Variants in EXOC4 observed in about 807,000 individuals in gnomAD.
The protein encoded by EXOC4 is exocyst complex component 4.
In EXOC4, 71 loss-of-function variants were observed where a neutral mutation model predicts 107.2. The observed-to-expected ratio is 0.66, with a 90% confidence interval of 0.55 to 0.81. The LOEUF is 0.81. Ranked by LOEUF, EXOC4 falls within the 30% of genes least tolerant of loss-of-function variation. The pLI, the probability that EXOC4 is intolerant of heterozygous loss-of-function variation, is 0.00. For missense variants in EXOC4, 1,108 were observed against 1,189.6 expected, an observed-to-expected ratio of 0.93 and a Z score of 1.01; for synonymous variants, 456 against 441.2, an observed-to-expected ratio of 1.03 and a Z score of -0.42.
chr7:133,811,077 C>T lies in EXOC4; in HGVS notation c.1515-6248C>T, dbSNP rs1797217681. 2.0e-5 allele frequency among the ~76,000 whole-genome samples: 3 copies of T among 152,102 alleles called. No homozygotes were observed. In the South Asian group the frequency reaches 6.2e-4, roughly 32 times the overall value. ...TCAAAATCCTGTGATGAGACGCTCC[C>T]CATACAGCATTATGTATACCCTTTT... On this transcript the variant is annotated intron_variant, in intron 10 of 17. Coordinates refer to ENST00000253861, the MANE Select transcript of EXOC4 (RefSeq NM_021807.4).
chr7:133,324,466 G>A (rs1281164835), intron 5 of EXOC4, among the ~76,000 whole-genome samples: 2 of 152,202 alleles, frequency 1.3e-5, no homozygotes, highest in Non-Finnish European at 2.9e-5. Context: ...ATTTTGTTAT[G>A]TACCCAGTAG....
chr7:133,612,941 G>A (rs1439132731), intron 9 of EXOC4, among the ~76,000 whole-genome samples: 1 of 152,130 alleles, frequency 6.6e-6, no homozygotes, highest in Non-Finnish European at 1.5e-5. Flanking sequence ...TTTTGGATGT[G>A]TAGTTGGCCC....
At chr7:133,513,190 A>T (rs1450115158) in intron 9 of EXOC4, among the ~76,000 whole-genome samples, 2 of 152,100 alleles carry the variant, frequency 1.3e-5, no homozygotes, top group East Asian at 1.9e-4. Flanking sequence ...AAATTTTTAT[A>T]TATTTACTTA....
At chr7:133,671,444 G>A (rs1182911957) in intron 10 of EXOC4, among the ~76,000 whole-genome samples, 1 of 152,086 alleles carries the variant, frequency 6.6e-6, no homozygotes, top group Non-Finnish European at 1.5e-5. Context: ...GTGGGTGCCT[G>A]TAATCCCAGT....
intron 3 of EXOC4, among the ~76,000 whole-genome samples, chr7:133,295,250 C>G (rs933279891): frequency 2.7e-4 from 41 of 152,098 alleles, no homozygotes; most frequent in African/African-American, 9.6e-4. Context: ...ACCAGCCCAC[C>G]TTTTTTAAAG....
intron 14 of EXOC4, among the ~76,000 whole-genome samples, chr7:133,977,744 G>T (rs66965146): frequency 0.7 from 105,282 of 149,642 alleles, 37,081 homozygotes; most frequent in East Asian, 0.89. Flanking sequence ...TGTTTTGTGT[G>T]TGTGTGTGTG....
intron 7 of EXOC4, among the ~76,000 whole-genome samples, chr7:133,402,631 TG>T (rs1797116243): frequency 1.3e-5 from 2 of 152,136 alleles, no homozygotes; most frequent in South Asian, 4.1e-4. Context: ...CCCAAATAGC[TG>T]GGATTATAGG....
intron 3 of EXOC4, among the ~76,000 whole-genome samples, chr7:133,297,842 CTG>C (rs1259504496): frequency 2.0e-5 from 3 of 152,190 alleles, no homozygotes; most frequent in Admixed American, 6.5e-5. Context: ...CCAAGTGTGA[CTG>C]TGTTTGCACA....
chr7:133,930,343 T>G (rs1173660193), intron 13 of EXOC4: 1 of 152,214 alleles, frequency 6.6e-6, no homozygotes, highest in Admixed American at 6.5e-5. Flanking sequence ...GCAAAGTTAG[T>G]GGCCAAGCTT....
At chr7:133,534,222 A>G (rs1800232681) in intron 9 of EXOC4, among the ~76,000 whole-genome samples, 1 of 152,154 alleles carries the variant, frequency 6.6e-6, no homozygotes, top group Admixed American at 6.6e-5. Flanking sequence ...GATTTGATTA[A>G]TGACTGCATA....
chr7:133,456,692 G>C (rs866277650), intron 7 of EXOC4, among the ~76,000 whole-genome samples: 3 of 152,166 alleles, frequency 2.0e-5, no homozygotes, highest in Non-Finnish European at 4.4e-5. Context: ...GCTCCTGCCA[G>C]TATGGAATCA....
At chr7:133,568,421 G>T (rs980264177) in intron 9 of EXOC4, among the ~76,000 whole-genome samples, 2 of 152,038 alleles carry the variant, frequency 1.3e-5, no homozygotes, top group Non-Finnish European at 2.9e-5. Context: ...AGTTATAAAA[G>T]ACTTCCACCA....
intron 10 of EXOC4, among the ~76,000 whole-genome samples, chr7:133,635,773 A>G (rs1585045756): frequency 1.3e-5 from 2 of 152,158 alleles, no homozygotes; most frequent in African/African-American, 4.8e-5. Context: ...TGGCCCAAGG[A>G]AACCTTCCGA....
chr7:133,618,827 TCA>T (rs1281150506), intron 9 of EXOC4, among the ~76,000 whole-genome samples: 21 of 152,140 alleles, frequency 1.4e-4, no homozygotes, highest in Admixed American at 7.2e-4. Flanking sequence ...ATTATTTTTG[TCA>T]ATTATTTATT....
intron 10 of EXOC4, among the ~76,000 whole-genome samples, chr7:133,709,623 C>T (rs542385757): frequency 1.4e-5 from 2 of 147,656 alleles, no homozygotes; most frequent in East Asian, 4.0e-4. Context: ...CTGATGGACT[C>T]ATCACTATCA....
At chr7:133,466,325 A>G (rs574911811) in intron 7 of EXOC4, among the ~76,000 whole-genome samples, 1 of 152,258 alleles carries the variant, frequency 6.6e-6, no homozygotes, top group South Asian at 2.1e-4. Flanking sequence ...AAAAAAGAGA[A>G]GTCTAAAGAA....
chr7:133,540,653 C>T (rs1014948182), intron 9 of EXOC4, among the ~76,000 whole-genome samples: 1 of 152,210 alleles, frequency 6.6e-6, no homozygotes, highest in African/African-American at 2.4e-5. Context: ...ATTGTTATGC[C>T]TTCCTTATTC....
At chr7:133,967,047 G>C (rs969821211) in intron 14 of EXOC4, among the ~76,000 whole-genome samples, 1 of 152,130 alleles carries the variant, frequency 6.6e-6, no homozygotes, top group Non-Finnish European at 1.5e-5. Flanking sequence ...TCCTGGTTTA[G>C]TCTTGGGAGG....
intron 2 of EXOC4, among the ~76,000 whole-genome samples, chr7:133,286,780 C>T (rs143786910): frequency 3.4e-4 from 52 of 152,268 alleles, no homozygotes; most frequent in African/African-American, 1.0e-3. Flanking sequence ...GGCTTTGGAT[C>T]GTACTGTTTA....
Sources: allele counts gnomAD v4.1 joint callset (sites outside exome capture counted in the v4.1 genomes callset), GRCh38; gene constraint gnomAD v4.1.1; transcripts MANE v1.5; gene names NCBI Gene and HGNC (gene_info 2026-07-23, HGNC 2026-07-21).